Variants in PKHD1 observed in about 807,000 individuals in gnomAD.
PKHD1 encodes fibrocystin.
PKHD1 carries 291 observed loss-of-function variants against 412.0 expected under a neutral mutation model. The observed-to-expected ratio is 0.71, with a 90% CI of 0.64 to 0.78. PKHD1 has a LOEUF of 0.78. Ranked by LOEUF, PKHD1 falls within the 30% of genes least tolerant of loss-of-function variation. PKHD1 has a pLI of 0.00. For missense variants in PKHD1, 4,825 were observed against 4,950.7 expected (o/e 0.97, Z 0.76); for synonymous variants, 1,777 against 1,821.5 (o/e 0.98, Z 0.62).
chr6:51,935,771 C>G (rs1240100824), intron 36 of PKHD1, among the ~76,000 whole-genome samples: 2 of 152,164 alleles, frequency 1.3e-5, no homozygotes, highest in Non-Finnish European at 2.9e-5. Context: ...GGCATAAGCT[C>G]TTCCCTCTGG....
chr6:51,790,468 C>T lies in PKHD1; in HGVS notation c.8440+768G>A, dbSNP rs76740315. Reference sequence around the variant, plus strand: ...TTCCCAGCAAGAGGAGCCTCATCTCCGAGCACCTACTGATTCTCTGGTCCT... The same window carrying T: ...TTCCCAGCAAGAGGAGCCTCATCTCTGAGCACCTACTGATTCTCTGGTCCT... On this transcript the variant is annotated intron_variant, in intron 53 of 66. Coordinates refer to ENST00000371117, the MANE Select transcript of PKHD1 (RefSeq NM_138694.4). 1.1e-4 allele frequency among the ~76,000 whole-genome samples: 16 copies of T among 152,234 alleles called. No individual in the cohort carries two copies. The East Asian group carries it at 2.9e-3, about 28-fold the overall frequency.
intron 14 of PKHD1, among the ~76,000 whole-genome samples, chr6:52,060,299 C>T (rs993054643): frequency 4.6e-5 from 7 of 152,212 alleles, no homozygotes; most frequent in Admixed American, 4.6e-4. Context: ...CCACAGCACA[C>T]AGCTATACGG....
At chr6:51,972,006 A>G (rs909601038) in intron 35 of PKHD1, among the ~76,000 whole-genome samples, 3 of 152,188 alleles carry the variant, frequency 2.0e-5, no homozygotes, top group Admixed American at 6.5e-5. Context: ...TGCTGGGATT[A>G]CAGGTGTGAG....
At chr6:51,648,234 A>G (rs1016476822) in intron 62 of PKHD1, 116 bp from the exon 63 acceptor site, 2 of 669,350 alleles carry the variant, frequency 3.0e-6, no homozygotes, top group Admixed American at 5.0e-5. Flanking sequence ...TTCAGTAGAA[A>G]TAAAGGAAAG....
intron 11 of PKHD1, among the ~76,000 whole-genome samples, 196 bp from the exon 12 acceptor site, chr6:52,066,273 G>A (rs899988361): frequency 2.6e-5 from 4 of 151,844 alleles, no homozygotes; most frequent in East Asian, 1.9e-4. Flanking sequence ...ATATATTATC[G>A]AGGATCAATA....
intron 35 of PKHD1, among the ~76,000 whole-genome samples, chr6:51,972,334 T>C (rs1279110958): frequency 6.6e-6 from 1 of 152,182 alleles, no homozygotes; most frequent in Admixed American, 6.5e-5. Context: ...GAAAAAGAAA[T>C]TCATTTGTTT....
chr6:52,060,176 G>T, intron 14 of PKHD1, 134 bp from the exon 15 acceptor site: 1 of 681,320 alleles, frequency 1.5e-6, no homozygotes, highest in South Asian at 1.5e-5. Context: ...CCACACAATT[G>T]TCCAGAATAT....
chr6:51,925,530 G>A (rs1329504016), intron 37 of PKHD1, among the ~76,000 whole-genome samples: 1 of 151,886 alleles, frequency 6.6e-6, no homozygotes, highest in African/African-American at 2.4e-5. Flanking sequence ...AAGTAAAGAA[G>A]ATTGCCTTCC....
chr6:51,669,312 G>T (rs910330160), intron 60 of PKHD1, among the ~76,000 whole-genome samples: 2 of 152,156 alleles, frequency 1.3e-5, no homozygotes, highest in Admixed American at 1.3e-4. Context: ...CATTTCTTCT[G>T]TATTTTCTAG....
chr6:51,955,930 T>C (rs938891391), intron 36 of PKHD1, among the ~76,000 whole-genome samples: 4 of 152,104 alleles, frequency 2.6e-5, no homozygotes, highest in African/African-American at 4.8e-5. Flanking sequence ...ATGAAAAAGA[T>C]AGTAACTAAT....
chr6:51,691,170 G>A (rs537315622), intron 60 of PKHD1, among the ~76,000 whole-genome samples: 157 of 64,864 alleles, frequency 2.4e-3, no homozygotes, highest in African/African-American at 7.2e-3. Flanking sequence ...AGCTGGCAAA[G>A]TTGTGGAGAA....
At chr6:51,819,493 T>C (rs1766022926) in intron 52 of PKHD1, among the ~76,000 whole-genome samples, 1 of 152,104 alleles carries the variant, frequency 6.6e-6, no homozygotes. Context: ...TCTATGCCAG[T>C]CCAGGTCCAG....
At chr6:51,775,123 A>C (rs1159180936) in intron 54 of PKHD1, among the ~76,000 whole-genome samples, 1 of 151,762 alleles carries the variant, frequency 6.6e-6, no homozygotes, top group Non-Finnish European at 1.5e-5. Context: ...AGAGTAATAA[A>C]GTATAGTGAA....
At chr6:51,697,122 G>A (rs144485760) in intron 60 of PKHD1, among the ~76,000 whole-genome samples, 133 of 152,260 alleles carry the variant, frequency 8.7e-4, no homozygotes, top group African/African-American at 2.9e-3. Flanking sequence ...AGAGGTTGCA[G>A]TGACGTGAGA....
At chr6:51,988,398 TA>T (rs1676468102) in intron 35 of PKHD1, among the ~76,000 whole-genome samples, 1 of 152,228 alleles carries the variant, frequency 6.6e-6, no homozygotes, top group African/African-American at 2.4e-5. Context: ...GCATATATTT[TA>T]TGTCGCCAAT....
chr6:51,660,109 C>G (rs997153223), intron 60 of PKHD1, 140 bp from the exon 61 acceptor site: 1 of 565,178 alleles, frequency 1.8e-6, no homozygotes, highest in Non-Finnish European at 3.0e-6. Flanking sequence ...ACTGAGAGTG[C>G]AAGGAAGATT....
intron 35 of PKHD1, among the ~76,000 whole-genome samples, chr6:52,002,476 C>G (rs956104865): frequency 6.6e-6 from 1 of 152,176 alleles, no homozygotes. Flanking sequence ...ACATTTGGAG[C>G]CTCATTTCAG....
chr6:51,937,165 T>C (rs1220989914), intron 36 of PKHD1, among the ~76,000 whole-genome samples: 2 of 152,228 alleles, frequency 1.3e-5, no homozygotes, highest in East Asian at 1.9e-4. Context: ...GATAAGTTAA[T>C]AAGTTAACTC....
At chr6:51,705,478 C>G (rs1393311162) in intron 60 of PKHD1, among the ~76,000 whole-genome samples, 2 of 151,966 alleles carry the variant, frequency 1.3e-5, no homozygotes, top group African/African-American at 2.4e-5. Context: ...GACAGTAGCT[C>G]CAGGGGGATT....
Sources: gnomAD v4.1 joint callset for allele counts (sites outside exome capture counted in the v4.1 genomes callset) on GRCh38, gnomAD v4.1.1 for gene constraint, MANE v1.5 for transcripts, NCBI Gene and HGNC (gene_info 2026-07-23, HGNC 2026-07-21) for gene names.